ANO6: variants seen among roughly 807,000 people sequenced by gnomAD.
ANO6 encodes anoctamin 6, also known as anoctamin-6.
A neutral mutation model predicts 117.5 loss-of-function variants in ANO6; 106 were observed. The ratio of observed to expected loss-of-function variants is 0.90; its 90% CI spans 0.77 to 1.06. The LOEUF (loss-of-function observed/expected upper bound fraction) is 1.06, where lower values mean the gene tolerates loss of function less well. ANO6 is among the 50% of genes least tolerant of loss of function. The probability of loss-of-function intolerance (pLI) is 0.00; values close to 1 mark genes in which losing one functional copy is unlikely to be tolerated. For missense variants in ANO6, 955 were observed against 1,121.1 expected, an observed-to-expected ratio of 0.85 and a Z score of 2.12; for synonymous variants, 367 against 385.1, an observed-to-expected ratio of 0.95 and a Z score of 0.55.
At chr12:45,229,339 T>C (rs377437307) in intron 1 of ANO6, among the ~76,000 whole-genome samples, 2 of 152,172 alleles carry the variant, frequency 1.3e-5, no homozygotes, top group African/African-American at 4.8e-5. Context: ...TGTCAGCCTC[T>C]TTTCTTATTC....
chr12:45,401,746 A>G (rs1183425770), intron 12 of ANO6, 49 bp from the exon 13 acceptor site: 3 of 1,440,454 alleles, frequency 2.1e-6, no homozygotes, highest in South Asian at 2.3e-5. Context: ...TAATAGTACA[A>G]GTGCAGTTAT....
chr12:45,407,729 A>G (rs1592030016), intron 15 of ANO6, among the ~76,000 whole-genome samples: 1 of 152,156 alleles, frequency 6.6e-6, no homozygotes, highest in South Asian at 2.1e-4. Context: ...AATCCCATTC[A>G]GCAGGTTTTG....
chr12:45,437,072 G>C (rs868552252), downstream of ANO6, among the ~76,000 whole-genome samples: 48 of 152,312 alleles, frequency 3.2e-4, no homozygotes, highest in African/African-American at 1.0e-3. Flanking sequence ...AAAGACAAGG[G>C]TTGACATATG....
At chr12:45,427,926 GA>G (rs1318822351) in intron 19 of ANO6, among the ~76,000 whole-genome samples, 8 of 116,760 alleles carry the variant, frequency 6.9e-5, no homozygotes, top group Non-Finnish European at 1.1e-4. Flanking sequence ...GTGACAGCAA[GA>G]CTCTGCCTCA....
At chr12:45,313,243 T>C (rs770409091) in intron 2 of ANO6, 16 of 152,036 alleles carry the variant, frequency 1.1e-4, no homozygotes, top group Non-Finnish European at 2.4e-4. Flanking sequence ...GAACATAAGA[T>C]GGACTCCAGG....
chr12:45,326,368 A>G (rs554763183), intron 2 of ANO6, among the ~76,000 whole-genome samples: 1 of 152,240 alleles, frequency 6.6e-6, no homozygotes, highest in Non-Finnish European at 1.5e-5. Flanking sequence ...GAATTTCTAC[A>G]TATTTTAACT....
chr12:45,415,083 T>A (rs1419673261), intron 16 of ANO6, among the ~76,000 whole-genome samples: 1 of 152,074 alleles, frequency 6.6e-6, no homozygotes, highest in African/African-American at 2.4e-5. Flanking sequence ...TTTTCTTAAA[T>A]CCATTTGGGA....
At position 45,319,001 on chromosome 12, in the gene ANO6, TAAG is replaced by T. The variant is rs1940155991; in HGVS notation, c.151-12293_151-12291del. Among the ~76,000 whole-genome samples the T allele has an allele frequency of 5.9e-5, 9 of 152,326 alleles. No homozygotes were observed. In the South Asian group the frequency reaches 1.5e-3, roughly 25 times the overall value. On this transcript the variant is annotated intron_variant, in intron 2 of 19. Transcript: ENST00000320560. ...ACTTTGCTGAAGTTGCTTATCAGCT[TAAG>T]GAGATTTTGAACTGAGCCGATGGGG...
intron 1 of ANO6, among the ~76,000 whole-genome samples, chr12:45,247,647 TG>T (rs1383743711): frequency 6.6e-6 from 1 of 152,210 alleles, no homozygotes; most frequent in Non-Finnish European, 1.5e-5. Context: ...GCTGCCACTG[TG>T]GTCAGTTTAT....
chr12:45,237,189 G>T (rs1947659103), intron 1 of ANO6, among the ~76,000 whole-genome samples: 1 of 152,194 alleles, frequency 6.6e-6, no homozygotes, highest in South Asian at 2.1e-4. Context: ...TGTTCACTCT[G>T]ATGGTAGTTT....
Position 45,421,146 on chromosome 12 carries a change from G to T in ANO6, c.2293G>T (p.Gly765Trp), listed in dbSNP as rs569876357. Reference sequence around the variant, plus strand: ...CTGGTCCTTCTCCGTCCCTCCCTACGGGGACCACACTTCCTACACCATGGA... The same window carrying T: ...CTGGTCCTTCTCCGTCCCTCCCTACTGGGACCACACTTCCTACACCATGGA... ...YYWSFSVPPY[G>W]DHTSYTMEGY... Residue 765 changes from glycine to tryptophan, a missense_variant, in exon 18 of 20, where the codon GGG (glycine) becomes TGG (tryptophan). Physicochemically the swap from Gly to Trp is radical, Grantham distance 184 (BLOSUM62 -2). Coordinates refer to ENST00000320560, the MANE Select transcript of ANO6 (RefSeq NM_001025356.3). The T allele has an allele frequency of 1.2e-6, 2 of 1,614,046 alleles. No individual in the cohort carries two copies. The highest frequency in any genetic ancestry group is 4.5e-5 in the East Asian group (2 of 44,872).
intron 1 of ANO6, among the ~76,000 whole-genome samples, chr12:45,249,472 A>C (rs1208698956): frequency 6.6e-6 from 1 of 152,246 alleles, no homozygotes; most frequent in Non-Finnish European, 1.5e-5. Flanking sequence ...CTTTTGGTGT[A>C]ATAGAATTCT....
chr12:45,352,340 G>A (rs1429872110), intron 7 of ANO6, among the ~76,000 whole-genome samples: 1 of 151,890 alleles, frequency 6.6e-6, no homozygotes, highest in Non-Finnish European at 1.5e-5. Context: ...CCACTCCACT[G>A]GATCATTTTG....
intron 17 of ANO6, among the ~76,000 whole-genome samples, chr12:45,417,815 G>T (rs1307877379): frequency 6.6e-6 from 1 of 152,146 alleles, no homozygotes; most frequent in Non-Finnish European, 1.5e-5. Context: ...ACAGAAGTTG[G>T]CAGTGCCTGT....
intron 3 of ANO6, among the ~76,000 whole-genome samples, chr12:45,334,018 A>G (rs1229267601): frequency 2.0e-5 from 3 of 152,098 alleles, no homozygotes; most frequent in African/African-American, 7.2e-5. Flanking sequence ...AAAAACATAG[A>G]GTATTTAAAA....
chr12:45,310,559 A>G (rs926625271), intron 2 of ANO6, among the ~76,000 whole-genome samples: 1 of 152,122 alleles, frequency 6.6e-6, no homozygotes, highest in Non-Finnish European at 1.5e-5. Flanking sequence ...AAAACAGCTT[A>G]CTAGCTTCTA....
At position 45,348,838 on chromosome 12, in the gene ANO6, C is replaced by G. The variant is rs17095784; in HGVS notation, c.747+207C>G. ...ATAAAGATACTCAGTTTTAAAGGAG[C>G]GAATGAATGAATGGACAGGACCTCT... On this transcript the variant is annotated intron_variant, in intron 6 of 19. Transcript: ENST00000320560. 5.9e-5 allele frequency among the ~76,000 whole-genome samples: 9 copies of G among 152,184 alleles called. No individual in the cohort carries two copies. The East Asian group carries it at 1.2e-3, about 20-fold the overall frequency.
chr12:45,324,300 A>G (rs370086797), intron 2 of ANO6, among the ~76,000 whole-genome samples: 13 of 152,116 alleles, frequency 8.5e-5, no homozygotes, highest in African/African-American at 2.7e-4. Flanking sequence ...GTGCATCCCT[A>G]TTTCCACACC....
intron 1 of ANO6, among the ~76,000 whole-genome samples, chr12:45,235,891 TG>T (rs202154355): frequency 0.011 from 1,637 of 152,336 alleles, 29 homozygotes; most frequent in African/African-American, 0.036. Context: ...AGCTGTGAGC[TG>T]GGTGTGTTCC....
Sources: allele counts gnomAD v4.1 joint callset (sites outside exome capture counted in the v4.1 genomes callset), GRCh38; gene constraint gnomAD v4.1.1; transcripts MANE v1.5; gene names NCBI Gene and HGNC (gene_info 2026-07-23, HGNC 2026-07-21).